The following PTPRD variants were observed in gnomAD, a reference collection of about 807,000 sequenced individuals.
PTPRD encodes the protein protein tyrosine phosphatase receptor type D.
In PTPRD, 34 loss-of-function variants were observed where a neutral mutation model predicts 214.5. The observed-to-expected ratio is 0.16, with a 90% CI of 0.12 to 0.21. The LOEUF (loss-of-function observed/expected upper bound fraction) is 0.21. PTPRD is among the 10% of genes least tolerant of loss of function. The pLI is 1.00. For missense variants in PTPRD, 2,545 were observed against 2,398.7 expected (o/e 1.06, Z -1.27); for synonymous variants, 1,128 against 845.7 (o/e 1.33, Z -5.79).
intron 2 of PTPRD, among the ~76,000 whole-genome samples, chr9:10,505,662 T>G (rs948152409): frequency 2.7e-5 from 4 of 150,780 alleles, no homozygotes; most frequent in African/African-American, 7.3e-5. Context: ...CTCCACATCT[T>G]TCTTGAACAG....
intron 5 of PTPRD, among the ~76,000 whole-genome samples, chr9:9,805,581 TA>T (rs2099067968): frequency 1.3e-5 from 2 of 152,332 alleles, no homozygotes; most frequent in African/African-American, 4.8e-5. Flanking sequence ...GCTTTTCTTT[TA>T]TTATAACTCA....
intron 3 of PTPRD, among the ~76,000 whole-genome samples, chr9:10,328,069 A>C (rs1316814500): frequency 6.6e-6 from 1 of 150,986 alleles, no homozygotes; most frequent in Admixed American, 6.6e-5. Context: ...CTTTAAAGCA[A>C]AACAACACTA....
rs1000341451 is a variant in PTPRD at position 9,442,975 on chromosome 9, ATG to A, written c.-236-45495_-236-45494del. Among the ~76,000 whole-genome samples the A allele has an allele frequency of 7.2e-5, 11 of 152,010 alleles. No homozygotes were observed. The East Asian group carries it at 9.6e-4, about 13-fold the overall frequency. ...TCCATATGTATGCACGTACATATAT[ATG>A]TGTGTGTGTGTATTTGCTTTTCTTA... On this transcript the variant is annotated intron_variant, in intron 8 of 45. Transcript: ENST00000381196.
intron 9 of PTPRD, among the ~76,000 whole-genome samples, chr9:9,394,683 G>C (rs532618089): frequency 6.6e-6 from 1 of 152,084 alleles, no homozygotes; most frequent in South Asian, 2.1e-4. Context: ...GTTATATTGA[G>C]CTCTATTGGT....
chr9:10,046,879 C>A (rs1332548742), intron 3 of PTPRD, among the ~76,000 whole-genome samples: 1 of 151,968 alleles, frequency 6.6e-6, no homozygotes, highest in Non-Finnish European at 1.5e-5. Flanking sequence ...AACATCACGA[C>A]ACCTGTCATA....
chr9:9,290,139 A>T (rs146111761), intron 9 of PTPRD, among the ~76,000 whole-genome samples: 5 of 151,654 alleles, frequency 3.3e-5, no homozygotes. Flanking sequence ...TGTCTTTTTC[A>T]TAATAGCCAT....
chr9:8,385,449 G>A (rs1432328114), intron 37 of PTPRD, among the ~76,000 whole-genome samples: 1 of 152,180 alleles, frequency 6.6e-6, no homozygotes, highest in Non-Finnish European at 1.5e-5. Flanking sequence ...AGAAATGTTA[G>A]ATTACAGTGA....
At chr9:8,510,815 G>C (rs2137807613) in intron 21 of PTPRD, among the ~76,000 whole-genome samples, 1 of 152,032 alleles carries the variant, frequency 6.6e-6, no homozygotes, top group African/African-American at 2.4e-5. Context: ...TTTTAAATAA[G>C]GTATAAAATG....
At chr9:8,596,223 A>C (rs1308878912) in intron 14 of PTPRD, among the ~76,000 whole-genome samples, 1 of 152,098 alleles carries the variant, frequency 6.6e-6, no homozygotes, top group African/African-American at 2.4e-5. Context: ...TAATATGAAA[A>C]TAATACTCCA....
intron 9 of PTPRD, among the ~76,000 whole-genome samples, chr9:9,394,306 G>A (rs1296241309): frequency 3.3e-5 from 5 of 152,116 alleles, no homozygotes; most frequent in African/African-American, 4.8e-5. Flanking sequence ...TCTCTCACTA[G>A]AAGGACATCT....
At chr9:8,858,830 T>C (rs10977324) in intron 11 of PTPRD, among the ~76,000 whole-genome samples, 4,032 of 66,968 alleles carry the variant, frequency 0.06, 72 homozygotes, top group Middle Eastern at 0.14. Flanking sequence ...CACACACACA[T>C]ACACACACAC....
intron 3 of PTPRD, among the ~76,000 whole-genome samples, chr9:10,049,261 T>C (rs2097474133): frequency 6.6e-6 from 1 of 152,000 alleles, no homozygotes; most frequent in Non-Finnish European, 1.5e-5. Context: ...AGGACAGACA[T>C]TTAACATACA....
chr9:9,995,967 G>C (rs774665700), intron 4 of PTPRD, among the ~76,000 whole-genome samples: 1 of 151,924 alleles, frequency 6.6e-6, no homozygotes, highest in Non-Finnish European at 1.5e-5. Context: ...GATCTTAATT[G>C]TATAAATTTC....
At chr9:8,318,030 A>AATAACATCTAT in intron 45 of PTPRD, 88 bp from the exon 46 acceptor site, 1 of 1,290,298 alleles carries the variant, frequency 7.8e-7, no homozygotes, top group East Asian at 2.4e-5. Flanking sequence ...TGCATAACAA[A>AATAACATCTAT]ATAACATCTA....
intron 8 of PTPRD, among the ~76,000 whole-genome samples, chr9:9,403,579 TA>T (rs1390996586): frequency 2.0e-5 from 3 of 152,040 alleles, no homozygotes; most frequent in African/African-American, 7.2e-5. Context: ...AAAAATATTT[TA>T]ACCATGTGAT....
At chr9:10,274,367 A>G (rs541887051) in intron 3 of PTPRD, among the ~76,000 whole-genome samples, 11 of 152,172 alleles carry the variant, frequency 7.2e-5, no homozygotes, top group Non-Finnish European at 1.3e-4. Context: ...ACTAACCAGA[A>G]GTGCTATGAC....
At chr9:9,570,842 A>C (rs1205710836) in intron 8 of PTPRD, among the ~76,000 whole-genome samples, 2 of 151,614 alleles carry the variant, frequency 1.3e-5, no homozygotes, top group East Asian at 3.8e-4. Flanking sequence ...AAGCTCTTCA[A>C]ATATCCAAGT....
chr9:9,019,346 A>C, intron 10 of PTPRD, among the ~76,000 whole-genome samples: 1 of 134,430 alleles, frequency 7.4e-6, no homozygotes, highest in South Asian at 2.7e-4. Flanking sequence ...GAACGAAAGA[A>C]AGAAAGAAAG....
chr9:9,093,216 G>T, intron 10 of PTPRD, among the ~76,000 whole-genome samples: 2 of 152,086 alleles, frequency 1.3e-5, no homozygotes, highest in East Asian at 3.9e-4. Context: ...GGAGAATTAA[G>T]CAAATCCATA....
Sources: gnomAD v4.1 joint callset for allele counts (sites outside exome capture counted in the v4.1 genomes callset) on GRCh38, gnomAD v4.1.1 for gene constraint, MANE v1.5 for transcripts, NCBI Gene and HGNC (gene_info 2026-07-23, HGNC 2026-07-21) for gene names.